Variants in HIVEP3 observed in about 807,000 individuals in gnomAD.
The protein encoded by HIVEP3 is HIVEP zinc finger 3, also known as transcription factor HIVEP3.
A neutral mutation model predicts 152.8 loss-of-function variants in HIVEP3; 49 were observed. The observed-to-expected ratio is 0.32, with a 90% CI of 0.26 to 0.41. The LOEUF is 0.41. Ranked by LOEUF, HIVEP3 falls within the 10% of genes least tolerant of loss-of-function variation. HIVEP3 has a pLI of 1.00. For synonymous variants in HIVEP3, 1,269 were observed against 1,289.0 expected (o/e 0.98, Z 0.33); for missense variants, 2,790 against 3,103.3 (o/e 0.90, Z 2.40).
At chr1:41,752,611 C>T (rs1647184502) in intron 1 of HIVEP3, among the ~76,000 whole-genome samples, 1 of 152,202 alleles carries the variant, frequency 6.6e-6, no homozygotes, top group African/African-American at 2.4e-5. Context: ...GGAGCATCAG[C>T]GTCATCTGGG....
At chr1:41,827,690 T>TA (rs1179326876) in intron 1 of HIVEP3, among the ~76,000 whole-genome samples, 1 of 152,184 alleles carries the variant, frequency 6.6e-6, no homozygotes, top group African/African-American at 2.4e-5. Context: ...ATAAATATAT[T>TA]AAATGCTCCA....
chr1:41,789,444 G>T (rs902791592), intron 1 of HIVEP3, among the ~76,000 whole-genome samples: 4 of 152,356 alleles, frequency 2.6e-5, no homozygotes, highest in Non-Finnish European at 5.9e-5. Context: ...ATTTGCAGCT[G>T]TGAGTTTATT....
intron 1 of HIVEP3, among the ~76,000 whole-genome samples, chr1:41,791,782 G>A (rs777347428): frequency 1.9e-4 from 29 of 152,052 alleles, no homozygotes; most frequent in Non-Finnish European, 3.8e-4. Flanking sequence ...GTCATTTCCT[G>A]ATTTGGCTCC....
chr1:41,652,256 C>A (rs1314170888), intron 2 of HIVEP3, among the ~76,000 whole-genome samples: 4 of 152,096 alleles, frequency 2.6e-5, no homozygotes, highest in Non-Finnish European at 5.9e-5. Context: ...GCCATCTAAT[C>A]CACAGAGAAA....
intron 1 of HIVEP3, among the ~76,000 whole-genome samples, chr1:41,781,034 G>A (rs1649010626): frequency 6.6e-6 from 1 of 152,216 alleles, no homozygotes; most frequent in Non-Finnish European, 1.5e-5. Context: ...ATCTCCCAGT[G>A]GTAATTGGCA....
intron 1 of HIVEP3, among the ~76,000 whole-genome samples, chr1:42,027,669 AC>A (rs1451823853): frequency 1.1e-4 from 17 of 152,286 alleles, no homozygotes; most frequent in Admixed American, 6.5e-4. Flanking sequence ...ATAAAGACAT[AC>A]CCGAAACTGG....
intron 1 of HIVEP3, among the ~76,000 whole-genome samples, chr1:41,778,470 G>A (rs1443047232): frequency 1.3e-5 from 2 of 152,170 alleles, no homozygotes; most frequent in Non-Finnish European, 2.9e-5. Context: ...TGAATACCTG[G>A]GAGTGCAGCT....
intron 1 of HIVEP3, among the ~76,000 whole-genome samples, chr1:41,712,201 G>A (rs985351729): frequency 3.3e-5 from 5 of 152,226 alleles, no homozygotes; most frequent in Non-Finnish European, 7.3e-5. Context: ...AGACAGATTC[G>A]ACACATGCAG....
At chr1:41,988,952 T>A (rs1557551266) in intron 1 of HIVEP3, among the ~76,000 whole-genome samples, 1 of 152,184 alleles carries the variant, frequency 6.6e-6, no homozygotes, top group Non-Finnish European at 1.5e-5. Context: ...TATGTTAAGC[T>A]AAATAAGCCA....
intron 1 of HIVEP3, among the ~76,000 whole-genome samples, chr1:41,761,722 CAT>C (rs1647695808): frequency 1.3e-5 from 2 of 152,024 alleles, no homozygotes; most frequent in Middle Eastern, 3.4e-3. Context: ...TGCATGTGTT[CAT>C]GTGTGTGTTA....
At chr1:41,687,582 G>C (rs1646132584) in intron 2 of HIVEP3, among the ~76,000 whole-genome samples, 1 of 152,210 alleles carries the variant, frequency 6.6e-6, no homozygotes, top group South Asian at 2.1e-4. Flanking sequence ...TCTGTGCTCT[G>C]AAGGCCTCTG....
At chr1:41,652,664 G>A (rs894487674) in intron 2 of HIVEP3, among the ~76,000 whole-genome samples, 11 of 152,262 alleles carry the variant, frequency 7.2e-5, no homozygotes, top group Non-Finnish European at 1.0e-4. Context: ...ATCAGAGGGT[G>A]TCCCCACCTC....
In HIVEP3 at chr1:41,662,800, C is replaced by T. The variant is rs986547226; in HGVS notation, c.-720-33853G>A. Among the ~76,000 whole-genome samples the T allele has an allele frequency of 3.9e-5, 6 of 152,122 alleles. No individual in the cohort carries two copies. The highest frequency in any genetic ancestry group is 8.8e-5 in the Non-Finnish European group (6 of 67,976). On this transcript the variant is annotated intron_variant, in intron 2 of 8. Transcript: ENST00000372583. The surrounding 1 kb of genome is among the most constrained non-coding windows in gnomAD (Gnocchi z 7.2). The stretch of plus-strand genomic sequence containing the variant: ...AGCCCCTGTCGCCGCCGCCGGGGCC[C>T]TGCCACTCTGCGCCACGCCTTGGTC...
intron 8 of HIVEP3, among the ~76,000 whole-genome samples, chr1:41,512,197 T>C (rs549188687): frequency 1.7e-3 from 261 of 152,264 alleles, no homozygotes; most frequent in African/African-American, 6.1e-3. Context: ...TGTTGAATTG[T>C]AAACCCCAGT....
chr1:41,754,423 G>A (rs1054917019), intron 1 of HIVEP3, among the ~76,000 whole-genome samples: 1 of 152,192 alleles, frequency 6.6e-6, no homozygotes, highest in African/African-American at 2.4e-5. Flanking sequence ...GCTAGAGATA[G>A]CAGCAAGTGA....
chr1:41,668,467 G>T (rs1429840191), intron 2 of HIVEP3, among the ~76,000 whole-genome samples: 1 of 152,218 alleles, frequency 6.6e-6, no homozygotes, highest in Non-Finnish European at 1.5e-5. Context: ...CAAGGCCAGA[G>T]GTGAGAACCC....
intron 1 of HIVEP3, among the ~76,000 whole-genome samples, chr1:41,985,880 T>C (rs1168931754): frequency 1.3e-5 from 2 of 152,180 alleles, no homozygotes; most frequent in Admixed American, 6.5e-5. Context: ...AAGTTTTGCC[T>C]GGAAAACTTT....
intron 1 of HIVEP3, among the ~76,000 whole-genome samples, chr1:41,894,760 C>T (rs983925562): frequency 6.6e-6 from 1 of 152,174 alleles, no homozygotes; most frequent in African/African-American, 2.4e-5. Flanking sequence ...TGAAATTGCT[C>T]TCTGCTGTAA....
At chr1:41,864,540 G>A (rs1037370827) in intron 1 of HIVEP3, 7 of 152,162 alleles carry the variant, frequency 4.6e-5, no homozygotes, top group Admixed American at 2.0e-4. Flanking sequence ...TACCCTAACC[G>A]GGCACTGGAA....
Sources: gnomAD v4.1 joint callset for allele counts (sites outside exome capture counted in the v4.1 genomes callset) on GRCh38, gnomAD v4.1.1 for gene constraint, Gnocchi (gnomAD v3.1) non-coding constraint, MANE v1.5 for transcripts, NCBI Gene and HGNC (gene_info 2026-07-23, HGNC 2026-07-21) for gene names.